LARP1B: variants seen among roughly 807,000 people sequenced by gnomAD.
LARP1B encodes la-related protein 1B.
A neutral mutation model predicts 114.2 loss-of-function variants in LARP1B; 76 were observed. That is an observed-to-expected ratio of 0.67 (90% confidence interval 0.55 to 0.81). The LOEUF (loss-of-function observed/expected upper bound fraction) is 0.81, where lower values mean the gene tolerates loss of function less well. LARP1B is among the 30% of genes least tolerant of loss of function. The pLI, the probability that LARP1B is intolerant of heterozygous loss-of-function variation, is 0.00. For missense variants in LARP1B, 1,014 were observed against 1,075.8 expected (o/e 0.94, Z 0.80); for synonymous variants, 345 against 348.0 (o/e 0.99, Z 0.10).
intron 11 of LARP1B, among the ~76,000 whole-genome samples, chr4:128,146,007 T>TA (rs1351589269): frequency 6.6e-6 from 1 of 152,226 alleles, no homozygotes; most frequent in Non-Finnish European, 1.5e-5. Context: ...ATTAAATTGT[T>TA]ACAACCAACT....
intron 14 of LARP1B, 33 bp downstream of exon 14, chr4:128,178,675 A>G: frequency 6.8e-7 from 1 of 1,472,288 alleles, no homozygotes; most frequent in Non-Finnish European, 9.5e-7. Context: ...TAAGGCTTGC[A>G]TTTTGTATCC....
chr4:128,062,076 A>G, intron 1 of LARP1B: 1 of 985,298 alleles, frequency 1.0e-6, no homozygotes, highest in Non-Finnish European at 1.2e-6. Context: ...GACGCCCGGG[A>G]AGAGGTGGCA....
chr4:128,068,658 C>T (rs1764007615), intron 1 of LARP1B, among the ~76,000 whole-genome samples: 1 of 152,080 alleles, frequency 6.6e-6, no homozygotes, highest in South Asian at 2.1e-4. Context: ...AAAGGATTCC[C>T]TGCCTCAGCC....
At chr4:128,155,801 A>T in intron 11 of LARP1B, 1 of 1,590,360 alleles carries the variant, frequency 6.3e-7, no homozygotes, top group Non-Finnish European at 8.6e-7. Context: ...GCGGAGACTG[A>T]TAAACTGGAA....
intron 1 of LARP1B, chr4:128,069,319 G>T (rs1975879): frequency 0.65 from 523,468 of 810,938 alleles, 172,158 homozygotes; most frequent in Middle Eastern, 0.82. Flanking sequence ...CCAGCTTGCC[G>T]CTTTGCAATG....
chr4:128,080,992 A>G (rs767882098), intron 4 of LARP1B, among the ~76,000 whole-genome samples: 2 of 152,104 alleles, frequency 1.3e-5, no homozygotes, highest in African/African-American at 2.4e-5. Context: ...ATCCCATTCT[A>G]AAGCCTAAGA....
chr4:128,074,827 A>T (rs2149389462), intron 2 of LARP1B, 107 bp from the exon 3 acceptor site: 1 of 740,510 alleles, frequency 1.4e-6, no homozygotes, highest in Non-Finnish European at 2.3e-6. Flanking sequence ...CATATAACTG[A>T]ATATAAATGA....
intron 1 of LARP1B, among the ~76,000 whole-genome samples, chr4:128,073,208 G>C (rs1414006283): frequency 6.6e-6 from 1 of 151,930 alleles, no homozygotes; most frequent in Non-Finnish European, 1.5e-5. Flanking sequence ...GAGGTCAGGA[G>C]TTTGAGACCA....
intron 12 of LARP1B, among the ~76,000 whole-genome samples, chr4:128,166,878 A>G (rs1425968382): frequency 2.7e-5 from 4 of 148,268 alleles, no homozygotes; most frequent in Admixed American, 2.0e-4. Flanking sequence ...AGTTTCATCC[A>G]TGTTGTAGCA....
chr4:128,104,695 C>T (rs6820515), intron 8 of LARP1B, among the ~76,000 whole-genome samples: 91,544 of 151,964 alleles, frequency 0.6, 28,442 homozygotes, highest in Middle Eastern at 0.8. Flanking sequence ...ATCCACTCAC[C>T]TCGGCCTCCC....
downstream of LARP1B, among the ~76,000 whole-genome samples, chr4:128,216,577 A>G (rs1156649673): frequency 1.3e-5 from 2 of 150,610 alleles, no homozygotes; most frequent in Non-Finnish European, 2.9e-5. Flanking sequence ...GCAGAAATAA[A>G]GATGTTCTTT....
chr4:128,071,113 C>G (rs983629708), intron 1 of LARP1B, among the ~76,000 whole-genome samples: 7 of 150,730 alleles, frequency 4.6e-5, no homozygotes, highest in Non-Finnish European at 1.0e-4. Flanking sequence ...GTGGCGTGAT[C>G]TTGGCTCACT....
rs1758997974 is a variant in LARP1B, at chr4:128,211,623, G to T, written c.*1570G>T. 2.0e-6 allele frequency: 2 copies of T among 976,516 alleles called. No individual in the cohort carries two copies. The highest frequency in any genetic ancestry group is 9.5e-5 in the South Asian group (2 of 21,060). 60.5% of individuals were successfully genotyped at this position (976,516 alleles called of 1,614,324 possible). A position where few individuals can be genotyped will look rare whatever the true frequency, so the allele number is the denominator to read the frequency against. ...ATGGGTTAGAATAATAGATCTTCAA[G>T]TCTTTTCTTAAATGGGGTATGTAGT... On this transcript the variant is annotated 3_prime_UTR_variant, in exon 20 of 20. Coordinates refer to ENST00000326639, the MANE Select transcript of LARP1B (RefSeq NM_018078.4).
chr4:128,128,585 A>G (rs529417551), intron 11 of LARP1B, among the ~76,000 whole-genome samples: 8 of 152,328 alleles, frequency 5.3e-5, no homozygotes, highest in South Asian at 2.1e-4. Context: ...TACTGAAAGT[A>G]AAAAACAGAA....
intron 11 of LARP1B, among the ~76,000 whole-genome samples, chr4:128,133,469 C>G (rs1371955488): frequency 2.6e-5 from 4 of 152,086 alleles, no homozygotes; most frequent in Non-Finnish European, 5.9e-5. Context: ...TATGAAAATC[C>G]CAATGGCATT....
chr4:128,209,754 G>T, intron 19 of LARP1B, 102 bp from the exon 20 acceptor site: 24 of 810,126 alleles, frequency 3.0e-5, no homozygotes, highest in Non-Finnish European at 4.4e-5. Context: ...TTATACTGAA[G>T]TGTCCATTTA....
At chr4:128,073,572 GTTTTTTTTTTTTTTTTTTTT>G (rs568197117) in intron 1 of LARP1B, among the ~76,000 whole-genome samples, 8 of 39,992 alleles carry the variant, frequency 2.0e-4, no homozygotes, top group South Asian at 9.9e-4. Flanking sequence ...TATTGTTGTC[GTTTTTTTTTTTTTTTTTTTT>G]TTTTTTTTTT....
At chr4:128,166,966 C>A (rs868661721) in intron 12 of LARP1B, among the ~76,000 whole-genome samples, 6,844 of 86,320 alleles carry the variant, frequency 0.079, 208 homozygotes, top group Non-Finnish European at 0.1. Flanking sequence ...CTCTCTCTCT[C>A]TCTCTATATA....
chr4:128,165,829 T>C (rs185346266), intron 12 of LARP1B, among the ~76,000 whole-genome samples: 1 of 152,278 alleles, frequency 6.6e-6, no homozygotes, highest in Admixed American at 6.5e-5. Flanking sequence ...ACTTATTCAC[T>C]TATTCTCCTT....
Sources: allele counts gnomAD v4.1 joint callset (sites outside exome capture counted in the v4.1 genomes callset), GRCh38; gene constraint gnomAD v4.1.1; transcripts MANE v1.5; gene names NCBI Gene and HGNC (gene_info 2026-07-23, HGNC 2026-07-21).